The following HERC1 variants were observed in gnomAD, a reference collection of about 807,000 sequenced individuals.
HERC1 encodes the protein probable E3 ubiquitin-protein ligase HERC1.
HERC1 carries 160 observed loss-of-function variants against 554.3 expected under a neutral mutation model. That is an observed-to-expected ratio of 0.29 (90% confidence interval 0.25 to 0.33). The LOEUF (loss-of-function observed/expected upper bound fraction) is 0.33. HERC1 is among the 10% of genes least tolerant of loss of function. HERC1 has a pLI of 1.00. For missense variants in HERC1, 4,919 were observed against 5,918.5 expected, an observed-to-expected ratio of 0.83 and a Z score of 5.54; for synonymous variants, 2,175 against 2,131.7, an observed-to-expected ratio of 1.02 and a Z score of -0.56.
chr15:63,626,143 G>A lies in HERC1; in HGVS notation c.13117C>T (p.Pro4373Ser). Reference protein sequence around the residue: ...VPPRAPGVSVPLQLGLPDTVP... With the variant: ...VPPRAPGVSVSLQLGLPDTVP... Reference sequence around the variant, plus strand: ...GTGTCAGGCAGGCCCAGCTGCAGAGGTACTGACACACCTGTCCAGAAAGCA... The same window carrying A: ...GTGTCAGGCAGGCCCAGCTGCAGAGATACTGACACACCTGTCCAGAAAGCA... The change falls in exon 71 of 78, where the codon CCT becomes TCT. Residue 4373 changes from proline to serine, a missense_variant. Transcript: ENST00000443617. 1 of 1,612,924 alleles carries A rather than the reference G, an allele frequency of 6.2e-7. No homozygotes were observed. The highest frequency in any genetic ancestry group is 8.5e-7 in the Non-Finnish European group (1 of 1,179,642).
intron 22 of HERC1, among the ~76,000 whole-genome samples, chr15:63,714,523 T>G (rs1285098712): frequency 6.6e-6 from 1 of 150,776 alleles, no homozygotes; most frequent in Non-Finnish European, 1.5e-5. Flanking sequence ...GAAGACAGTA[T>G]TCTTCTTTTT....
chr15:63,609,836 A>G (rs546597556), intron 77 of HERC1, among the ~76,000 whole-genome samples: 28 of 152,294 alleles, frequency 1.8e-4, no homozygotes, highest in Non-Finnish European at 4.0e-4. Flanking sequence ...CATCCATTCA[A>G]CTGACGGTGA....
At chr15:63,671,130 G>T (rs138540333) in intron 39 of HERC1, among the ~76,000 whole-genome samples, 209 of 151,092 alleles carry the variant, frequency 1.4e-3, no homozygotes, top group African/African-American at 4.8e-3. Context: ...TTGAACTCAG[G>T]AGGCTGAGGT....
Position 63,775,580 on chromosome 15 carries a change from T to A in HERC1, c.44A>T (p.His15Leu). ...CTCTGTAATCCAGGAGCTGTTCAAGTGTTCAAGCCATTTCAGCTTCACTGG... is the reference window on the plus strand; with the variant it reads ...CTCTGTAATCCAGGAGCTGTTCAAGAGTTCAAGCCATTTCAGCTTCACTGG... Reference protein sequence around the residue: ...IPPVKLKWLEHLNSSWITEDS... With the variant: ...IPPVKLKWLELLNSSWITEDS... Residue 15 changes from histidine to leucine, a missense_variant, in exon 2 of 78, where the codon CAC (histidine) becomes CTC (leucine). His to Leu is a moderately conservative substitution (Grantham distance 99). Transcript: ENST00000443617. The surrounding 1 kb of genome is among the most constrained non-coding windows in gnomAD (Gnocchi z 4.0). The A allele has an allele frequency of 1.9e-6, 3 of 1,609,158 alleles. No homozygotes were observed. The highest frequency in any genetic ancestry group is 2.5e-6 in the Non-Finnish European group (3 of 1,178,036).
intron 8 of HERC1, among the ~76,000 whole-genome samples, chr15:63,752,235 CAAT>C (rs2075273801): frequency 6.6e-6 from 1 of 152,232 alleles, no homozygotes; most frequent in Admixed American, 6.5e-5. Context: ...TCTGCCTTGT[CAAT>C]TAGTCATAAA....
chr15:63,815,342 T>C (rs2081351798), intron 1 of HERC1, among the ~76,000 whole-genome samples: 1 of 152,230 alleles, frequency 6.6e-6, no homozygotes, highest in Non-Finnish European at 1.5e-5. Context: ...TAGGTTTAGA[T>C]CCTGGCTTTG....
At chr15:63,729,473 C>T in intron 15 of HERC1, 24 bp downstream of exon 15, 2 of 1,608,950 alleles carry the variant, frequency 1.2e-6, no homozygotes, top group Non-Finnish European at 1.7e-6. Flanking sequence ...GATAGATCAC[C>T]ATAAAAGACA....
intron 1 of HERC1, among the ~76,000 whole-genome samples, chr15:63,801,443 A>G (rs1025459233): frequency 6.6e-6 from 1 of 152,220 alleles, no homozygotes; most frequent in African/African-American, 2.4e-5. Flanking sequence ...GTATCTGGAA[A>G]GTTGAAGAAC....
chr15:63,791,654 T>G (rs1017975047), intron 1 of HERC1, among the ~76,000 whole-genome samples: 2 of 152,174 alleles, frequency 1.3e-5, no homozygotes, highest in African/African-American at 4.8e-5. Context: ...AAATTGCAAA[T>G]CCAGGTTCCT....
chr15:63,722,748 T>G (rs1480546260), intron 19 of HERC1, among the ~76,000 whole-genome samples: 1 of 152,200 alleles, frequency 6.6e-6, no homozygotes, highest in African/African-American at 2.4e-5. Context: ...TTTATTACTG[T>G]TGTTGTTAAT....
At chr15:63,800,033 C>G (rs922013084) in intron 1 of HERC1, among the ~76,000 whole-genome samples, 6 of 152,002 alleles carry the variant, frequency 3.9e-5, no homozygotes, top group Non-Finnish European at 8.8e-5. Flanking sequence ...ACTGGGGAGG[C>G]TGAGGCAGGA....
At chr15:63,830,259 C>G (rs1051168129) in intron 1 of HERC1, among the ~76,000 whole-genome samples, 2 of 152,174 alleles carry the variant, frequency 1.3e-5, no homozygotes, top group African/African-American at 4.8e-5. Flanking sequence ...AAAGACATGT[C>G]AACACCATGT....
intron 21 of HERC1, among the ~76,000 whole-genome samples, chr15:63,717,062 A>G (rs1375849621): frequency 2.0e-5 from 3 of 152,226 alleles, no homozygotes; most frequent in Non-Finnish European, 2.9e-5. Flanking sequence ...ATACTCAGAC[A>G]GTCATAAATA....
At chr15:63,808,813 G>T (rs530066636) in intron 1 of HERC1, among the ~76,000 whole-genome samples, 10 of 152,266 alleles carry the variant, frequency 6.6e-5, no homozygotes, top group Non-Finnish European at 1.3e-4. Context: ...AAGATCCTGA[G>T]GGTCCTTATC....
At position 63,824,533 on chromosome 15, in the gene HERC1, C is replaced by CAA. The variant is rs34774319; in HGVS notation, c.-27+9292_-27+9293dup. Among the ~76,000 whole-genome samples the CAA allele has an allele frequency of 4.0e-3, 531 of 131,814 alleles. 2 individuals are homozygous for CAA. Among genetic ancestry groups the CAA allele is most frequent in the Middle Eastern group, 0.012 (3 of 258 alleles). The allele number at this position is 131,814 out of a possible 152,430, so 86.5% of individuals were successfully genotyped here. On this transcript the variant is annotated intron_variant, in intron 1 of 77. Transcript: ENST00000443617. ...TGGGCAACAGAGTGAGACTCCATCT[C>CAA]AAAAAAAAAAAAAAAATTAAAAAGA... is the stretch of plus-strand genomic sequence containing the variant.
chr15:63,754,615 G>T lies in HERC1; in HGVS notation c.1664C>A (p.Thr555Lys). ...TACATTGCTGATGTCTTTTACTAAT[G>T]TTGGAATGTTACGACTATTGCTGTC... is the stretch of plus-strand genomic sequence containing the variant. ...HGDSNSRNIP[T>K]LVKDISNVGE... The change falls in exon 7 of 78, where the codon ACA (threonine) becomes AAA (lysine). Residue 555 changes from threonine (T) to lysine (K), a missense_variant. Physicochemically the swap from Thr to Lys is moderately conservative, Grantham distance 78. Coordinates refer to ENST00000443617, the MANE Select transcript of HERC1 (RefSeq NM_003922.4). 1 of 1,613,488 alleles carries T rather than the reference G, an allele frequency of 6.2e-7. No individual in the cohort carries two copies. The highest frequency in any genetic ancestry group is 8.5e-7 in the Non-Finnish European group (1 of 1,179,616).
In HERC1 at chr15:63,723,309, T is replaced by A; in HGVS notation, c.3615A>T (p.Glu1205Asp). 6.3e-7 allele frequency: 1 copy of A among 1,595,504 alleles called. No individual in the cohort carries two copies. Among genetic ancestry groups the A allele is most frequent in the Non-Finnish European group, 8.5e-7 (1 of 1,170,088 alleles). ...CLLEVALSGN[E>D]EQKPFDYKLR... ...ATTTATAATCAAAAGGCTTCTGTTC[T>A]TCATTTCCAGAAAGTGCTACTTCTA... Residue 1205 changes from glutamate to aspartate, a missense_variant, in exon 19 of 78, where the codon GAA becomes GAT. Glu to Asp is a conservative substitution (Grantham distance 45). Transcript: ENST00000443617.
At chr15:63,795,905 G>A (rs2076798703) in intron 1 of HERC1, among the ~76,000 whole-genome samples, 1 of 152,228 alleles carries the variant, frequency 6.6e-6, no homozygotes, top group Admixed American at 6.5e-5. Context: ...TTAACTTGTG[G>A]AATGCTGAGA....
At position 63,666,434 on chromosome 15, in the gene HERC1, G is replaced by A; in HGVS notation, c.8245C>T (p.Pro2749Ser). ...AAGGGAACTGCAATTGCTGGAGGAG[G>A]AGGAGAAGTTGAAAGTCTACTGCTT... ...DPSSRLSTSP[P>S]PPAIAVPLLE... The change falls in exon 41 of 78, where the codon CCT becomes TCT. Residue 2749 changes from proline (P) to serine (S), a missense_variant. This residue lies in a region of HERC1 where 1,963 missense variants were observed against 2,228.6 expected (regional missense o/e 0.88). Coordinates refer to ENST00000443617, the MANE Select transcript of HERC1 (RefSeq NM_003922.4). 4.3e-6 allele frequency: 7 copies of A among 1,613,618 alleles called. No individual in the cohort carries two copies. The highest frequency in any genetic ancestry group is 5.9e-6 in the Non-Finnish European group (7 of 1,179,748).
Sources: allele counts gnomAD v4.1 joint callset (sites outside exome capture counted in the v4.1 genomes callset), GRCh38; gene constraint gnomAD v4.1.1; regional missense constraint gnomAD v4.1.1; non-coding constraint Gnocchi (gnomAD v3.1); transcripts MANE v1.5; gene names NCBI Gene and HGNC (gene_info 2026-07-23, HGNC 2026-07-21).